Variants in NCF2 observed in about 807,000 individuals in gnomAD.
NCF2 encodes the protein neutrophil cytosolic factor 2, also known as neutrophil cytosol factor 2.
In NCF2, 45 loss-of-function variants were observed where a neutral mutation model predicts 70.9. That is an observed-to-expected ratio of 0.63 (90% CI 0.50 to 0.81). The LOEUF (loss-of-function observed/expected upper bound fraction) is 0.81. Among genes scored for constraint, NCF2 ranks in the 40% least tolerant of loss-of-function variants. The probability of loss-of-function intolerance (pLI) is 0.00; values close to 1 mark genes in which losing one functional copy is unlikely to be tolerated. For missense variants in NCF2, 522 were observed against 631.6 expected (o/e 0.83, Z 1.86); for synonymous variants, 203 against 233.6 (o/e 0.87, Z 1.19).
intron 2 of NCF2, among the ~76,000 whole-genome samples, chr1:183,585,489 G>C (rs1423777275): frequency 6.6e-6 from 1 of 152,050 alleles, no homozygotes; most frequent in African/African-American, 2.4e-5. Context: ...GCTGGACGTA[G>C]TGGCGGGCAC....
At chr1:183,569,002 T>A in intron 7 of NCF2, 140 bp downstream of exon 7, 1 of 813,962 alleles carries the variant, frequency 1.2e-6, no homozygotes, top group Non-Finnish European at 2.1e-6. Context: ...TAGCCTGACA[T>A]TCTAGAAGAA....
chr1:183,599,879 T>G, the NCF2 span, among the ~76,000 whole-genome samples: 1 of 152,142 alleles, frequency 6.6e-6, no homozygotes, highest in South Asian at 2.1e-4. Context: ...GAGAGGATTT[T>G]CCTGGTAGGT....
At chr1:183,584,180 A>C (rs1280328309) in intron 2 of NCF2, among the ~76,000 whole-genome samples, 1 of 152,248 alleles carries the variant, frequency 6.6e-6, no homozygotes, top group Non-Finnish European at 1.5e-5. Context: ...CAAGGTTCAC[A>C]TACGGACTTC....
intron 7 of NCF2, chr1:183,567,579 C>A: frequency 1.5e-6 from 1 of 655,464 alleles, no homozygotes; most frequent in Non-Finnish European, 2.8e-6. Flanking sequence ...GCAAAAACCC[C>A]ACAACACTAG....
Position 183,590,332 on chromosome 1 carries a change from T to C in NCF2, c.-3A>G. 8 of 1,613,960 alleles carry C rather than the reference T, an allele frequency of 5.0e-6. No homozygotes were observed. The highest frequency in any genetic ancestry group is 6.8e-6 in the Non-Finnish European group (8 of 1,179,970). ...CTGATGGCCTCCACCAGGGACATGA[T>C]TAGGTAGAAACTAGGAGGCCAAGAG... On this transcript the variant is annotated 5_prime_UTR_variant, in exon 1 of 15. Transcript: ENST00000367535.
At chr1:183,558,257 T>TTTTTTG (rs566767089) in intron 14 of NCF2, among the ~76,000 whole-genome samples, 3 of 151,784 alleles carry the variant, frequency 2.0e-5, no homozygotes, top group South Asian at 2.1e-4. Context: ...TAATTTTAAT[T>TTTTTTG]TTTTTGTTTT....
At chr1:183,576,767 C>T (rs546463172) in intron 3 of NCF2, among the ~76,000 whole-genome samples, 2 of 152,148 alleles carry the variant, frequency 1.3e-5, no homozygotes, top group Non-Finnish European at 2.9e-5. Context: ...CTATTATTAG[C>T]CCTGAGCGAC....
At chr1:183,601,692 C>A in the NCF2 span, among the ~76,000 whole-genome samples, 3 of 151,902 alleles carry the variant, frequency 2.0e-5, no homozygotes, top group African/African-American at 4.8e-5. Flanking sequence ...CCCGTCTCTA[C>A]TAAAAATACA....
chr1:183,562,970 A>C (rs1026459799), intron 13 of NCF2, among the ~76,000 whole-genome samples: 1 of 152,108 alleles, frequency 6.6e-6, no homozygotes, highest in Non-Finnish European at 1.5e-5. Context: ...GCTTTCTGTG[A>C]GCTCCTGCCC....
chr1:183,597,416 G>A, the NCF2 span, among the ~76,000 whole-genome samples: 1 of 152,064 alleles, frequency 6.6e-6, no homozygotes, highest in Non-Finnish European at 1.5e-5. Context: ...AAAAGCGGAG[G>A]GGGCACAGAA....
intron 1 of NCF2, among the ~76,000 whole-genome samples, chr1:183,589,617 C>A (rs1673545976): frequency 6.6e-6 from 1 of 152,240 alleles, no homozygotes; most frequent in Admixed American, 6.5e-5. Context: ...AATCACAGTA[C>A]AATTTCCTCT....
chr1:183,601,164 T>C, the NCF2 span, among the ~76,000 whole-genome samples: 1 of 152,234 alleles, frequency 6.6e-6, no homozygotes, highest in Non-Finnish European at 1.5e-5. Flanking sequence ...ATTTTAAGCA[T>C]ATGCAAATGC....
intron 2 of NCF2, among the ~76,000 whole-genome samples, chr1:183,585,612 G>A (rs35231707): frequency 0.028 from 2,312 of 83,076 alleles, 71 homozygotes; most frequent in African/African-American, 0.17. Context: ...GTGACAGGGC[G>A]AAACTCCGTC....
intron 2 of NCF2, among the ~76,000 whole-genome samples, chr1:183,582,752 C>T (rs1673172210): frequency 6.6e-6 from 1 of 152,214 alleles, no homozygotes; most frequent in South Asian, 2.1e-4. Context: ...GAATGGGTCT[C>T]ACCCTTATTG....
At chr1:183,599,423 C>CTTCTTTCTTTCA in the NCF2 span, among the ~76,000 whole-genome samples, 1 of 107,426 alleles carries the variant, frequency 9.3e-6, no homozygotes, top group Non-Finnish European at 1.9e-5. Context: ...TCTTTCTTTC[C>CTTCTTTCTTTCA]TTCTTTCTTT....
At chr1:183,601,527 C>T in the NCF2 span, among the ~76,000 whole-genome samples, 1 of 152,128 alleles carries the variant, frequency 6.6e-6, no homozygotes, top group Non-Finnish European at 1.5e-5. Context: ...TCCACAATTT[C>T]ATTATTAGCA....
intron 11 of NCF2, 68 bp from the exon 12 acceptor site, chr1:183,563,653 G>A (rs928054101): frequency 3.4e-5 from 54 of 1,594,684 alleles, no homozygotes; most frequent in East Asian, 4.5e-5. Context: ...CTGGATCACC[G>A]CAGTTTCGTG....
chr1:183,582,064 T>C (rs1246375342), intron 2 of NCF2, among the ~76,000 whole-genome samples: 1 of 152,214 alleles, frequency 6.6e-6, no homozygotes, highest in African/African-American at 2.4e-5. Context: ...TCTCCACTTG[T>C]TTACCCAGAG....
At chr1:183,575,444 G>C (rs1314976775) in intron 3 of NCF2, among the ~76,000 whole-genome samples, 1 of 152,146 alleles carries the variant, frequency 6.6e-6, no homozygotes, top group African/African-American at 2.4e-5. Context: ...CTCAGGTGGG[G>C]GGGGAATGGT....
Sources: allele counts gnomAD v4.1 joint callset (sites outside exome capture counted in the v4.1 genomes callset), GRCh38; gene constraint gnomAD v4.1.1; transcripts MANE v1.5; gene names NCBI Gene and HGNC (gene_info 2026-07-23, HGNC 2026-07-21).